The following DPP10 variants were observed in gnomAD, a reference collection of about 807,000 sequenced individuals.
DPP10 encodes the protein inactive dipeptidyl peptidase 10.
DPP10 carries 33 observed loss-of-function variants against 120.9 expected under a neutral mutation model. The ratio of observed to expected loss-of-function variants is 0.27; its 90% confidence interval spans 0.21 to 0.37. The LOEUF (loss-of-function observed/expected upper bound fraction) is 0.37, where lower values mean the gene tolerates loss of function less well. Among genes scored for constraint, DPP10 ranks in the 10% least tolerant of loss-of-function variants. The probability of loss-of-function intolerance (pLI) is 1.00; values close to 1 mark genes in which losing one functional copy is unlikely to be tolerated. For missense variants in DPP10, 816 were observed against 942.8 expected (o/e 0.87, Z 1.76); for synonymous variants, 337 against 326.1 (o/e 1.03, Z -0.36).
intron 3 of DPP10, among the ~76,000 whole-genome samples, chr2:115,370,030 C>T (rs2065308366): frequency 1.3e-5 from 2 of 152,238 alleles, no homozygotes; most frequent in Admixed American, 1.3e-4. Context: ...GGAAAAGCTG[C>T]ATGAAGGCTT....
chr2:115,508,533 A>G (rs1204112268), intron 4 of DPP10, among the ~76,000 whole-genome samples: 1 of 152,224 alleles, frequency 6.6e-6, no homozygotes, highest in Non-Finnish European at 1.5e-5. Flanking sequence ...TTTTACTTTT[A>G]TTGCTTAATA....
At chr2:115,641,050 T>C (rs547724426) in intron 5 of DPP10, among the ~76,000 whole-genome samples, 1 of 152,264 alleles carries the variant, frequency 6.6e-6, no homozygotes, top group Admixed American at 6.5e-5. Flanking sequence ...TAGAATAATA[T>C]GTATTATATG....
intron 5 of DPP10, among the ~76,000 whole-genome samples, chr2:115,613,716 A>G (rs1156900044): frequency 6.6e-6 from 1 of 152,218 alleles, no homozygotes; most frequent in Non-Finnish European, 1.5e-5. Context: ...TAAATATGTT[A>G]CTGTCTCAGT....
At chr2:115,291,258 C>T (rs1309309922) in intron 1 of DPP10, among the ~76,000 whole-genome samples, 1 of 152,110 alleles carries the variant, frequency 6.6e-6, no homozygotes, top group East Asian at 1.9e-4. Context: ...CCTGCCTTGA[C>T]CTCCCAAAGT....
chr2:114,831,022 ATTTTTTTTTTTT>A (rs70941010), intron 1 of DPP10, among the ~76,000 whole-genome samples: 14 of 45,976 alleles, frequency 3.0e-4, no homozygotes, highest in Admixed American at 7.6e-4. Context: ...CCATGCAAAG[ATTTTTTTTTTTT>A]TTTTTTTTTT....
At chr2:115,010,694 C>A (rs1280792126) in intron 1 of DPP10, among the ~76,000 whole-genome samples, 2 of 152,162 alleles carry the variant, frequency 1.3e-5, no homozygotes, top group East Asian at 3.9e-4. Context: ...ACTTTTTAAA[C>A]AGAAGCTCCA....
intron 5 of DPP10, among the ~76,000 whole-genome samples, chr2:115,659,953 C>T (rs1411315544): frequency 1.3e-5 from 2 of 152,018 alleles, no homozygotes; most frequent in Admixed American, 6.6e-5. Context: ...ACAAAGAAGC[C>T]ACAAATGGAT....
intron 1 of DPP10, among the ~76,000 whole-genome samples, chr2:114,542,537 C>T (rs1573610063): frequency 6.6e-6 from 1 of 152,140 alleles, no homozygotes; most frequent in African/African-American, 2.4e-5. Flanking sequence ...CTCTGTATCC[C>T]TAAGGAATGC....
At chr2:114,902,181 C>T (rs965038636) in intron 1 of DPP10, among the ~76,000 whole-genome samples, 2 of 152,168 alleles carry the variant, frequency 1.3e-5, no homozygotes, top group African/African-American at 4.8e-5. Context: ...CATTTATCAT[C>T]CACCTTATGG....
At chr2:114,911,757 A>T (rs1177731353) in intron 1 of DPP10, among the ~76,000 whole-genome samples, 1 of 152,212 alleles carries the variant, frequency 6.6e-6, no homozygotes, top group Non-Finnish European at 1.5e-5. Context: ...TTGGGGCCAT[A>T]GGAGGTAGAC....
intron 1 of DPP10, among the ~76,000 whole-genome samples, chr2:114,951,262 T>G (rs1274674784): frequency 6.6e-6 from 1 of 152,176 alleles, no homozygotes. Context: ...CAACCTTCAG[T>G]CATATTTGGG....
intron 1 of DPP10, among the ~76,000 whole-genome samples, chr2:115,224,203 G>T (rs2057321295): frequency 6.6e-6 from 1 of 152,182 alleles, no homozygotes; most frequent in Non-Finnish European, 1.5e-5. Context: ...GTGGGGTCTG[G>T]ATCTAATTGG....
intron 4 of DPP10, among the ~76,000 whole-genome samples, chr2:115,505,162 A>G (rs769999354): frequency 2.8e-4 from 42 of 152,096 alleles, no homozygotes; most frequent in Non-Finnish European, 5.9e-5. Context: ...ATTCATAGCC[A>G]TTTATTATGC....
intron 1 of DPP10, chr2:115,065,450 C>T (rs1706756709): frequency 2.0e-5 from 3 of 152,134 alleles, no homozygotes; most frequent in Admixed American, 6.5e-5. Context: ...CTACAACCAA[C>T]CTTAGCAGAA....
chr2:115,551,429 G>A (rs1403656251), intron 5 of DPP10, among the ~76,000 whole-genome samples: 1 of 152,094 alleles, frequency 6.6e-6, no homozygotes, highest in Non-Finnish European at 1.5e-5. Context: ...CTATGGCTGT[G>A]GATACAGCTG....
At chr2:114,490,232 C>T (rs1276247286) in intron 1 of DPP10, among the ~76,000 whole-genome samples, 2 of 139,070 alleles carry the variant, frequency 1.4e-5, no homozygotes, top group African/African-American at 4.9e-5. Context: ...TGGTAAGCTC[C>T]CCACATTTGT....
intron 3 of DPP10, among the ~76,000 whole-genome samples, chr2:115,430,558 A>G (rs1574823408): frequency 6.6e-6 from 1 of 152,174 alleles, no homozygotes; most frequent in African/African-American, 2.4e-5. Context: ...GCTATGTACC[A>G]GAAATAAAGT....
At chr2:114,916,683 T>C (rs568763633) in intron 1 of DPP10, among the ~76,000 whole-genome samples, 3 of 152,272 alleles carry the variant, frequency 2.0e-5, no homozygotes, top group South Asian at 2.1e-4. Flanking sequence ...TGCAAATAAA[T>C]AAACGTGATT....
chr2:115,239,013 G>A lies in DPP10; in HGVS notation c.61-70226G>A, dbSNP rs1375789418. 2.0e-5 allele frequency among the ~76,000 whole-genome samples: 3 copies of A among 152,112 alleles called. No homozygotes were observed. The East Asian group carries it at 5.8e-4, about 29-fold the overall frequency. ...AACACAGGAGAAAGATGTAGGCTGGGAGGCTAAGCCAATCTAGCCTTTTTA... is the reference window on the plus strand; with the variant it reads ...AACACAGGAGAAAGATGTAGGCTGGAAGGCTAAGCCAATCTAGCCTTTTTA... On this transcript the variant is annotated intron_variant, in intron 1 of 25. Coordinates refer to ENST00000410059, the MANE Select transcript of DPP10 (RefSeq NM_020868.6).
Sources: gnomAD v4.1 joint callset for allele counts (sites outside exome capture counted in the v4.1 genomes callset) on GRCh38, gnomAD v4.1.1 for gene constraint, MANE v1.5 for transcripts, NCBI Gene and HGNC (gene_info 2026-07-23, HGNC 2026-07-21) for gene names.